Variants in CSMD1 observed in about 807,000 individuals in gnomAD.
CSMD1 encodes CUB and sushi domain-containing protein 1.
In CSMD1, 213 loss-of-function variants were observed where a neutral mutation model predicts 417.5. That is an observed-to-expected ratio of 0.51 (90% CI 0.46 to 0.57). The LOEUF is 0.57. Ranked by LOEUF, CSMD1 falls within the 20% of genes least tolerant of loss-of-function variation. The pLI, the probability that CSMD1 is intolerant of heterozygous loss-of-function variation, is 0.00. For synonymous variants in CSMD1, 2,862 were observed against 1,736.8 expected (o/e 1.65, Z -16.11); for missense variants, 6,923 against 4,529.7 (o/e 1.53, Z -15.17).
intron 3 of CSMD1, among the ~76,000 whole-genome samples, chr8:4,084,976 T>C (rs1800343999): frequency 6.6e-6 from 1 of 152,156 alleles, no homozygotes; most frequent in Non-Finnish European, 1.5e-5. Flanking sequence ...GATGGCCATA[T>C]TACCACAGCA....
At chr8:3,501,314 C>T (rs1796591986) in intron 10 of CSMD1, among the ~76,000 whole-genome samples, 1 of 152,150 alleles carries the variant, frequency 6.6e-6, no homozygotes, top group Admixed American at 6.5e-5. Flanking sequence ...ATGTATGCAT[C>T]ATTGGGTTTC....
chr8:4,367,310 T>C (rs1329284158), intron 3 of CSMD1, among the ~76,000 whole-genome samples: 1 of 152,168 alleles, frequency 6.6e-6, no homozygotes, highest in Non-Finnish European at 1.5e-5. Context: ...ATTTTTTAAA[T>C]AGGGAGTCCT....
chr8:3,671,047 GTATATAGGATATATATGTATATGGGATA>G (rs1798999838), intron 7 of CSMD1, among the ~76,000 whole-genome samples: 1 of 121,646 alleles, frequency 8.2e-6, no homozygotes, highest in African/African-American at 2.8e-5. Context: ...GGATATATAT[GTATATAGGATATATATGTATATGGGATA>G]TATACATATA....
chr8:4,208,499 T>G (rs997654363), intron 3 of CSMD1, among the ~76,000 whole-genome samples: 4 of 152,226 alleles, frequency 2.6e-5, no homozygotes, highest in Non-Finnish European at 5.9e-5. Context: ...TTCTGTAGTT[T>G]ATTAATCTGT....
intron 12 of CSMD1, among the ~76,000 whole-genome samples, chr8:3,446,943 T>G (rs1014600244): frequency 1.3e-5 from 2 of 152,220 alleles, no homozygotes; most frequent in Non-Finnish European, 2.9e-5. Flanking sequence ...AATTAGCATG[T>G]TGTCTGCTCA....
At chr8:3,700,545 G>A (rs1281083526) in intron 7 of CSMD1, 6 of 152,226 alleles carry the variant, frequency 3.9e-5, no homozygotes, top group South Asian at 2.1e-4. Flanking sequence ...AAGCAGGGTC[G>A]GGGCTGGTTA....
At chr8:3,785,441 C>G (rs923185623) in intron 5 of CSMD1, among the ~76,000 whole-genome samples, 8 of 152,180 alleles carry the variant, frequency 5.3e-5, no homozygotes, top group Non-Finnish European at 8.8e-5. Context: ...CCCAGCAATG[C>G]CAAGATCAGC....
chr8:4,218,598 G>C (rs1185217428), intron 3 of CSMD1, among the ~76,000 whole-genome samples: 2 of 152,116 alleles, frequency 1.3e-5, no homozygotes, highest in African/African-American at 4.8e-5. Context: ...TTTTACAGTT[G>C]CTTAATTTCA....
At chr8:4,654,957 G>T (rs938635284) in intron 1 of CSMD1, among the ~76,000 whole-genome samples, 11 of 150,126 alleles carry the variant, frequency 7.3e-5, no homozygotes, top group South Asian at 2.1e-4. Context: ...TAAAACAAAA[G>T]TTAGTATTTT....
chr8:3,533,374 C>T (rs1030877982), intron 10 of CSMD1, among the ~76,000 whole-genome samples: 2 of 152,152 alleles, frequency 1.3e-5, no homozygotes, highest in Admixed American at 1.3e-4. Context: ...CTTTATACTC[C>T]TTGAACAGTG....
intron 5 of CSMD1, among the ~76,000 whole-genome samples, chr8:3,825,309 C>A (rs574555150): frequency 6.6e-6 from 1 of 152,090 alleles, no homozygotes; most frequent in Non-Finnish European, 1.5e-5. Context: ...ACAGGTGGAT[C>A]GCTGGATGTC....
intron 3 of CSMD1, among the ~76,000 whole-genome samples, chr8:4,360,194 G>GC (rs1801671172): frequency 1.3e-5 from 2 of 152,096 alleles, no homozygotes; most frequent in Admixed American, 1.3e-4. Flanking sequence ...TAAACGCGTG[G>GC]CATTTGTCAC....
intron 1 of CSMD1, among the ~76,000 whole-genome samples, chr8:4,977,678 G>T (rs1041966416): frequency 6.6e-6 from 1 of 152,180 alleles, no homozygotes; most frequent in African/African-American, 2.4e-5. Flanking sequence ...TGACATAATT[G>T]TTAAGTGAGC....
intron 12 of CSMD1, among the ~76,000 whole-genome samples, chr8:3,412,696 G>A (rs1433219334): frequency 1.3e-5 from 2 of 152,172 alleles, no homozygotes; most frequent in African/African-American, 4.8e-5. Flanking sequence ...CTCTACGAAA[G>A]CAAAATGTTC....
intron 1 of CSMD1, among the ~76,000 whole-genome samples, chr8:4,742,698 T>A (rs1810703082): frequency 6.6e-6 from 1 of 152,114 alleles, no homozygotes; most frequent in Non-Finnish European, 1.5e-5. Flanking sequence ...TCAGGTTGGT[T>A]TTATTAAAGA....
chr8:4,188,114 A>C (rs1391258486), intron 3 of CSMD1, among the ~76,000 whole-genome samples: 2 of 152,158 alleles, frequency 1.3e-5, no homozygotes, highest in African/African-American at 2.4e-5. Flanking sequence ...ATGTAATTAA[A>C]AACATAGGTT....
intron 1 of CSMD1, among the ~76,000 whole-genome samples, chr8:4,760,350 G>T (rs921424456): frequency 2.0e-5 from 3 of 152,164 alleles, no homozygotes; most frequent in African/African-American, 7.2e-5. Context: ...AAATCAACAT[G>T]AAGGTGAATC....
intron 5 of CSMD1, among the ~76,000 whole-genome samples, chr8:3,870,395 T>C (rs1178424581): frequency 6.6e-6 from 1 of 152,170 alleles, no homozygotes; most frequent in Non-Finnish European, 1.5e-5. Context: ...TTCCCCCAGC[T>C]ATGCACATAG....
At chr8:4,585,578 C>T (rs1194601423) in intron 2 of CSMD1, among the ~76,000 whole-genome samples, 2 of 151,990 alleles carry the variant, frequency 1.3e-5, no homozygotes. Flanking sequence ...AGGTAGAATT[C>T]AGATGAAAGA....
Sources: allele counts gnomAD v4.1 joint callset (sites outside exome capture counted in the v4.1 genomes callset), GRCh38; gene constraint gnomAD v4.1.1; transcripts MANE v1.5; gene names NCBI Gene and HGNC (gene_info 2026-07-23, HGNC 2026-07-21).